SOBP: variants seen among roughly 807,000 people sequenced by gnomAD.
The protein encoded by SOBP is sine oculis binding protein homolog.
SOBP carries 4 observed loss-of-function variants against 53.6 expected under a neutral mutation model. The observed-to-expected ratio is 0.07, with a 90% CI of 0.04 to 0.17. The LOEUF is 0.17. SOBP is among the 10% of genes least tolerant of loss of function. SOBP has a pLI of 1.00. For synonymous variants in SOBP, 584 were observed against 522.6 expected, an observed-to-expected ratio of 1.12 and a Z score of -1.60; for missense variants, 1,088 against 1,204.7, an observed-to-expected ratio of 0.90 and a Z score of 1.43.
In SOBP at chr6:107,602,972, C is replaced by CA. The variant is rs35388425; in HGVS notation, c.669+15809dup. ...CTCCCCTTGCCTCCCCCGTCCCCCA[C>CA]AAAAAAAAAAAACCCTGCTTCCATT... On this transcript the variant is annotated intron_variant, in intron 5 of 6. Transcript: ENST00000317357. Among the ~76,000 whole-genome samples, 722 of 143,990 alleles carry CA rather than the reference C, an allele frequency of 5.0e-3. 3 individuals are homozygous for CA. Among genetic ancestry groups the CA allele is most frequent in the South Asian group, 0.014 (67 of 4,622 alleles). The allele number at this position is 143,990 out of a possible 152,430, so 94.5% of individuals were successfully genotyped here.
intron 4 of SOBP, among the ~76,000 whole-genome samples, chr6:107,554,135 A>G (rs1284960760): frequency 6.6e-6 from 1 of 152,154 alleles, no homozygotes; most frequent in Non-Finnish European, 1.5e-5. Flanking sequence ...CTCCCAGCAG[A>G]TTTTTTGAGT....
In SOBP at chr6:107,635,097, C is replaced by T. The variant is rs372231094; in HGVS notation, c.2253C>T (p.Pro751=). 4.7e-5 allele frequency: 75 copies of T among 1,599,450 alleles called. No homozygotes were observed. The African/African-American group carries it at 9.2e-4, about 20-fold the overall frequency. The stretch of plus-strand genomic sequence containing the variant: ...AGCAGCCGCCGCCGCCGCCGCCGCC[C>T]GCGCCCCCCAAGAAGCTGCTGTCGC... The part of the protein sequence containing the change: ...PPEQPPPPPP[P]APPKKLLSPE... The change falls in exon 6 of 7, where the codon CCC becomes CCT. Residue 751 remains proline, a synonymous_variant. Transcript: ENST00000317357. This position sits in a 1 kb window ranked among gnomAD's most constrained non-coding sequence, Gnocchi z 4.5.
At chr6:107,517,257 T>A (rs987054243) in intron 3 of SOBP, among the ~76,000 whole-genome samples, 1 of 152,210 alleles carries the variant, frequency 6.6e-6, no homozygotes, top group Non-Finnish European at 1.5e-5. Context: ...TGACATAAAA[T>A]ACCATAGACT....
chr6:107,639,092 G>T (rs1254258600), intron 6 of SOBP, among the ~76,000 whole-genome samples: 1 of 151,906 alleles, frequency 6.6e-6, no homozygotes, highest in Admixed American at 6.6e-5. Context: ...TGGTAGAGAT[G>T]GGGTTTCACC....
At chr6:107,606,524 C>T (rs1786388821) in intron 5 of SOBP, among the ~76,000 whole-genome samples, 1 of 152,206 alleles carries the variant, frequency 6.6e-6, no homozygotes, top group East Asian at 1.9e-4. Flanking sequence ...CCCTTCTTCA[C>T]TGCTTCTAGA....
intron 3 of SOBP, among the ~76,000 whole-genome samples, chr6:107,518,729 G>A (rs1262456107): frequency 6.8e-6 from 1 of 147,898 alleles, no homozygotes; most frequent in Non-Finnish European, 1.5e-5. Flanking sequence ...TATATCATAT[G>A]TGCACAATTT....
chr6:107,560,310 A>T (rs1397225676), intron 4 of SOBP, among the ~76,000 whole-genome samples: 5 of 151,828 alleles, frequency 3.3e-5, no homozygotes, highest in African/African-American at 1.2e-4. Flanking sequence ...CCCTGGAAGG[A>T]TTTGAGAATT....
intron 5 of SOBP, among the ~76,000 whole-genome samples, chr6:107,615,076 T>A (rs571659332): frequency 6.6e-6 from 1 of 152,314 alleles, no homozygotes; most frequent in African/African-American, 2.4e-5. Flanking sequence ...GTAAGGACCT[T>A]GGGTTCTAGC....
intron 1 of SOBP, among the ~76,000 whole-genome samples, chr6:107,495,491 C>T (rs762980033): frequency 6.6e-6 from 1 of 151,994 alleles, no homozygotes. Context: ...TGGAAAGGAA[C>T]CACTCCACTT....
At chr6:107,498,949 A>AT (rs2114937959) in intron 1 of SOBP, among the ~76,000 whole-genome samples, 1 of 152,346 alleles carries the variant, frequency 6.6e-6, no homozygotes, top group East Asian at 1.9e-4. Flanking sequence ...GTATCAAAAC[A>AT]TTGTGAAATG....
intron 4 of SOBP, among the ~76,000 whole-genome samples, chr6:107,580,541 T>C (rs1785370555): frequency 6.6e-6 from 1 of 152,154 alleles, no homozygotes; most frequent in South Asian, 2.1e-4. Context: ...AAATAAGACA[T>C]GGATGGTAAC....
At chr6:107,536,937 T>C (rs915019607) in intron 4 of SOBP, among the ~76,000 whole-genome samples, 5 of 152,234 alleles carry the variant, frequency 3.3e-5, no homozygotes, top group African/African-American at 7.2e-5. Flanking sequence ...AAAATACTTA[T>C]GTAGTCTGTG....
intron 5 of SOBP, among the ~76,000 whole-genome samples, chr6:107,628,975 T>C (rs1041477990): frequency 6.6e-6 from 1 of 152,190 alleles, no homozygotes; most frequent in African/African-American, 2.4e-5. Context: ...CATCCCTCCA[T>C]CCTCCTTTGC....
At chr6:107,511,916 A>G (rs953390967) in intron 3 of SOBP, among the ~76,000 whole-genome samples, 6 of 152,086 alleles carry the variant, frequency 3.9e-5, no homozygotes, top group African/African-American at 1.4e-4. Context: ...ACGTGTTATA[A>G]ATACAGGATA....
At chr6:107,590,577 T>C (rs992550519) in intron 5 of SOBP, among the ~76,000 whole-genome samples, 1 of 152,144 alleles carries the variant, frequency 6.6e-6, no homozygotes, top group Non-Finnish European at 1.5e-5. Flanking sequence ...CTTTGGCTTT[T>C]CCTGAGGCTG....
In SOBP at chr6:107,635,563, A is replaced by G. The variant is rs1771007205; in HGVS notation, c.*3+94A>G. ...GGGGAGAGTTGTAATTATAGTCATGATTTTACCGTGTGTGTTTTATATTGC... is the reference window on the plus strand; with the variant it reads ...GGGGAGAGTTGTAATTATAGTCATGGTTTTACCGTGTGTGTTTTATATTGC... On this transcript the variant is annotated intron_variant, in intron 6 of 6. Transcript: ENST00000317357. The surrounding 1 kb of genome is among the most constrained non-coding windows in gnomAD (Gnocchi z 4.5). 5 of 1,539,090 alleles carry G rather than the reference A, an allele frequency of 3.2e-6. No individual in the cohort carries two copies. In the African/African-American group the frequency reaches 6.8e-5, roughly 21 times the overall value.
chr6:107,524,031 T>A (rs531649644), intron 3 of SOBP, among the ~76,000 whole-genome samples: 12 of 152,302 alleles, frequency 7.9e-5, no homozygotes, highest in African/African-American at 2.6e-4. Flanking sequence ...TAAGTGTAAA[T>A]ATTGGGACAG....
chr6:107,575,354 A>G (rs1785195817), intron 4 of SOBP, among the ~76,000 whole-genome samples: 1 of 152,144 alleles, frequency 6.6e-6, no homozygotes, highest in Non-Finnish European at 1.5e-5. Context: ...TTTGTTCCGG[A>G]TGACAGCTCC....
At chr6:107,550,014 T>G (rs1408423970) in intron 4 of SOBP, among the ~76,000 whole-genome samples, 1 of 152,136 alleles carries the variant, frequency 6.6e-6, no homozygotes, top group South Asian at 2.1e-4. Context: ...GTCCCTCCTC[T>G]CCACACCTGG....
Sources: gnomAD v4.1 joint callset for allele counts (sites outside exome capture counted in the v4.1 genomes callset) on GRCh38, gnomAD v4.1.1 for gene constraint, Gnocchi (gnomAD v3.1) non-coding constraint, MANE v1.5 for transcripts, NCBI Gene and HGNC (gene_info 2026-07-23, HGNC 2026-07-21) for gene names.